The following RPL10A variants were observed in gnomAD, a reference collection of about 807,000 sequenced individuals.
RPL10A encodes large ribosomal subunit protein uL1.
RPL10A carries 11 observed loss-of-function variants against 24.6 expected under a neutral mutation model. That is an observed-to-expected ratio of 0.45 (90% confidence interval 0.28 to 0.74). The LOEUF is 0.74. RPL10A is among the 30% of genes least tolerant of loss of function. RPL10A has a pLI of 0.13. For synonymous variants in RPL10A, 98 were observed against 108.5 expected, an observed-to-expected ratio of 0.90 and a Z score of 0.60; for missense variants, 136 against 273.1, an observed-to-expected ratio of 0.50 and a Z score of 3.54.
chr6:35,470,170 C>T lies in RPL10A; in HGVS notation c.311-9C>T, dbSNP rs776311208. The T allele has an allele frequency of 6.2e-7, 1 of 1,610,682 alleles. No homozygotes were observed. The highest frequency in any genetic ancestry group is 1.1e-5 in the South Asian group (1 of 90,802). ...CTAAGCAATGCCAATGGCTTCCTCT[C>T]TCTATCAGCCAAGAAGTATGATGCG... On this transcript the variant is annotated splice_polypyrimidine_tract_variant and intron_variant, in intron 4 of 5. Coordinates refer to ENST00000322203, the MANE Select transcript of RPL10A (RefSeq NM_007104.5). This position sits in a 1 kb window ranked among gnomAD's most constrained non-coding sequence, Gnocchi z 4.6.
At position 35,470,219 on chromosome 6, in the gene RPL10A, C is replaced by A. The variant is rs747847163; in HGVS notation, c.351C>A (p.Ile117=). Residue 117 remains isoleucine, a synonymous_variant, in exon 5 of 6, where the codon ATC becomes ATA. Coordinates refer to ENST00000322203, the MANE Select transcript of RPL10A (RefSeq NM_007104.5). The surrounding 1 kb of genome is among the most constrained non-coding windows in gnomAD (Gnocchi z 4.6). ...YDAFLASESL[I]KQIPRILGPG... ...CGTTTTTGGCCTCAGAGTCTCTGAT[C>A]AAGCAGATTCCACGAATCCTCGGCC... 2 of 1,613,404 alleles carry A rather than the reference C, an allele frequency of 1.2e-6. No homozygotes were observed. The highest frequency in any genetic ancestry group is 3.3e-5 in the Admixed American group (2 of 60,002).
rs746622532 is a variant in RPL10A at position 35,470,165 on chromosome 6, CCT to C, written c.311-7_311-6del. On this transcript the variant is annotated splice_polypyrimidine_tract_variant and intron_variant, in intron 4 of 5. Coordinates refer to ENST00000322203, the MANE Select transcript of RPL10A (RefSeq NM_007104.5). The surrounding 1 kb of genome is among the most constrained non-coding windows in gnomAD (Gnocchi z 4.6). ...AGGTTCTAAGCAATGCCAATGGCTTCCTCTCTCTATCAGCCAAGAAGTATGAT... is the reference window on the plus strand; with the variant it reads ...AGGTTCTAAGCAATGCCAATGGCTTCCTCTCTATCAGCCAAGAAGTATGAT... 1.7e-5 allele frequency: 27 copies of C among 1,609,130 alleles called. 1 individual carries two copies. In the Middle Eastern group the frequency reaches 1.6e-3, roughly 98 times the overall value.
rs773758379 is a variant in RPL10A at position 35,469,439 on chromosome 6, T to A, written c.220T>A (p.Cys74Ser). The A allele has an allele frequency of 6.2e-7, 1 of 1,613,254 alleles. No individual in the cohort carries two copies. The highest frequency in any genetic ancestry group is 1.1e-5 in the South Asian group (1 of 91,036). ...GTGTGTCCTGGGGGACCAGCAGCAC[T>A]GTGACGAGGCTAAGGCCGTGGATAT... The part of the protein sequence containing the change: ...SVCVLGDQQH[C>S]DEAKAVDIPH... The change falls in exon 4 of 6, where the codon TGT (cysteine) becomes AGT (serine). Residue 74 changes from cysteine to serine, a missense_variant. Physicochemically the swap from Cys to Ser is moderately radical, Grantham distance 112. Around this residue, in one of 3 missense-constraint regions of RPL10A, gnomAD observed 88 missense variants for 149.2 expected, o/e 0.59. Transcript: ENST00000322203.
Position 35,468,851 on chromosome 6 carries a change from G to T in RPL10A, c.58G>T (p.Gly20Trp). ...LYEAVREVLHGNQRKRRKFLE... is the reference protein window; with the variant it reads ...LYEAVREVLHWNQRKRRKFLE... ...CGAGGCGGTGCGGGAAGTCCTGCACGGGAACCAGCGCAAGCGCCGCAAGTG... is the reference window on the plus strand; with the variant it reads ...CGAGGCGGTGCGGGAAGTCCTGCACTGGAACCAGCGCAAGCGCCGCAAGTG... The change falls in exon 2 of 6, where the codon GGG becomes TGG. Residue 20 changes from glycine (G) to tryptophan (W), a missense_variant. Gly to Trp is a radical substitution (Grantham distance 184). Around this residue, in one of 3 missense-constraint regions of RPL10A, gnomAD observed 88 missense variants for 149.2 expected, o/e 0.59. Coordinates refer to ENST00000322203, the MANE Select transcript of RPL10A (RefSeq NM_007104.5). 6.2e-7 allele frequency: 1 copy of T among 1,612,290 alleles called. No homozygotes were observed. Among genetic ancestry groups the T allele is most frequent in the East Asian group, 2.2e-5 (1 of 44,786 alleles).
At chr6:35,468,632 C>A in intron 1 of RPL10A, 167 bp from the exon 2 acceptor site, 1 of 1,521,368 alleles carries the variant, frequency 6.6e-7, no homozygotes, top group Non-Finnish European at 8.8e-7. Flanking sequence ...TCCACCGGGG[C>A]TTGGGTCTGG....
rs758281184 is a variant in RPL10A, at chr6:35,469,564, G to A, written c.310+35G>A. The A allele has an allele frequency of 6.2e-6, 10 of 1,601,544 alleles. No individual in the cohort carries two copies. In the Admixed American group the frequency reaches 1.0e-4, roughly 17 times the overall value. Reference sequence around the variant, plus strand: ...GCCGCTGTGGTTTTGCATGTGAGATGTGTGGTGGGGGCGGTAGAAAGGCTT... The same window carrying A: ...GCCGCTGTGGTTTTGCATGTGAGATATGTGGTGGGGGCGGTAGAAAGGCTT... On this transcript the variant is annotated intron_variant, in intron 4 of 5. Coordinates refer to ENST00000322203, the MANE Select transcript of RPL10A (RefSeq NM_007104.5).
rs1227914957 is a variant in RPL10A, at chr6:35,470,568, CCCT to C, written c.484-6_484-4del. Reference sequence around the variant, plus strand: ...CACCAACCTGACTTGATCCTCTCTTCCCTCCTCCCAGGTGTTATGTCTGGCTGT... The same window carrying C: ...CACCAACCTGACTTGATCCTCTCTTCCCTCCCAGGTGTTATGTCTGGCTGT... On this transcript the variant is annotated splice_polypyrimidine_tract_variant and intron_variant, in intron 5 of 5. Coordinates refer to ENST00000322203, the MANE Select transcript of RPL10A (RefSeq NM_007104.5). This position sits in a 1 kb window ranked among gnomAD's most constrained non-coding sequence, Gnocchi z 4.6. 1 of 1,611,428 alleles carries C rather than the reference CCCT, an allele frequency of 6.2e-7. No individual in the cohort carries two copies. The highest frequency in any genetic ancestry group is 1.1e-5 in the South Asian group (1 of 90,842).
intron 4 of RPL10A, among the ~76,000 whole-genome samples, 187 bp from the exon 5 acceptor site, chr6:35,469,992 G>C (rs1361858572): frequency 6.6e-6 from 1 of 152,148 alleles, no homozygotes; most frequent in Non-Finnish European, 1.5e-5. Context: ...TTTGGGACCA[G>C]TGAAGGTCCA....
At position 35,468,446 on chromosome 6, in the gene RPL10A, T is replaced by C; in HGVS notation, c.5+7T>C. 6.2e-7 allele frequency: 1 copy of C among 1,614,044 alleles called. No individual in the cohort carries two copies. On this transcript the variant is annotated splice_region_variant and intron_variant, in intron 1 of 5. Coordinates refer to ENST00000322203, the MANE Select transcript of RPL10A (RefSeq NM_007104.5). ...CGGCGTGAGAAGCCATGAGGTGAGT[T>C]GGTCCTGAAAGCCCTATCCGCGTTC...
chr6:35,468,574 C>A, intron 1 of RPL10A, 135 bp downstream of exon 1: 1 of 1,584,526 alleles, frequency 6.3e-7, no homozygotes. Context: ...GCGGGTCGGC[C>A]TGCGGGTCGC....
Position 35,469,039 on chromosome 6 carries a change from TCTGATCCCACCCAGCC to T in RPL10A, c.161+15_161+30del, listed in dbSNP as rs1283204929. The T allele has an allele frequency of 1.2e-6, 2 of 1,611,532 alleles. No homozygotes were observed. Among genetic ancestry groups the T allele is most frequent in the Non-Finnish European group, 1.7e-6 (2 of 1,179,834 alleles). The stretch of plus-strand genomic sequence containing the variant: ...TCGGGCACCGTCAGGTTGGCACCGT[TCTGATCCCACCCAGCC>T]CTCAGTGCCCCCGTGCTTGCCCCTC... On this transcript the variant is annotated intron_variant, in intron 3 of 5. Coordinates refer to ENST00000322203, the MANE Select transcript of RPL10A (RefSeq NM_007104.5).
At chr6:35,469,306 C>T in intron 3 of RPL10A, 75 bp from the exon 4 acceptor site, 1 of 1,510,718 alleles carries the variant, frequency 6.6e-7, no homozygotes, top group Non-Finnish European at 8.8e-7. Flanking sequence ...GTGGCTGCTG[C>T]GGTCCCAGAC....
Sources: allele counts gnomAD v4.1 joint callset (sites outside exome capture counted in the v4.1 genomes callset), GRCh38; gene constraint gnomAD v4.1.1; regional missense constraint gnomAD v4.1.1; non-coding constraint Gnocchi (gnomAD v3.1); transcripts MANE v1.5; gene names NCBI Gene and HGNC (gene_info 2026-07-23, HGNC 2026-07-21).